Variants in LPA observed in about 807,000 individuals in gnomAD.
LPA encodes lipoprotein(a).
In LPA, 199 loss-of-function variants were observed where a neutral mutation model predicts 197.9. That is an observed-to-expected ratio of 1.01 (90% CI 0.90 to 1.13). The LOEUF (loss-of-function observed/expected upper bound fraction) is 1.13, where lower values mean the gene tolerates loss of function less well. Ranked by LOEUF, LPA falls within the 50% of genes most tolerant of loss-of-function variation. The pLI is 0.00. For synonymous variants in LPA, 715 were observed against 639.5 expected (o/e 1.12, Z -1.78); for missense variants, 1,853 against 1,785.8 (o/e 1.04, Z -0.68).
chr6:160,548,928 G>A (rs572046734), intron 30 of LPA, among the ~76,000 whole-genome samples: 9 of 152,242 alleles, frequency 5.9e-5, no homozygotes, highest in South Asian at 4.2e-4. Context: ...GGAAATACCC[G>A]AGACAGACTG....
At chr6:160,654,242 T>A (rs1336926591) in intron 1 of LPA, among the ~76,000 whole-genome samples, 3 of 146,558 alleles carry the variant, frequency 2.0e-5, no homozygotes, top group African/African-American at 7.6e-5. Flanking sequence ...TGGAGTCCGA[T>A]GTTCAAGAGC....
At chr6:160,581,654 T>C (rs1038623885) in intron 26 of LPA, among the ~76,000 whole-genome samples, 3 of 152,162 alleles carry the variant, frequency 2.0e-5, no homozygotes, top group African/African-American at 7.2e-5. Flanking sequence ...CATATGCATC[T>C]ATCCCACAAA....
intron 32 of LPA, among the ~76,000 whole-genome samples, chr6:160,546,200 C>G (rs1778067607): frequency 6.6e-6 from 1 of 152,172 alleles, no homozygotes; most frequent in African/African-American, 2.4e-5. Flanking sequence ...GCCCCACCCT[C>G]CAACCTCCAG....
chr6:160,575,720 T>G (rs770601718), intron 28 of LPA, among the ~76,000 whole-genome samples: 50 of 152,202 alleles, frequency 3.3e-4, no homozygotes, highest in Non-Finnish European at 5.7e-4. Context: ...CCCAGTGCTT[T>G]GTGAGCTCTG....
chr6:160,537,807 C>G (rs1041808891), intron 37 of LPA, 48 bp downstream of exon 37: 2 of 1,541,218 alleles, frequency 1.3e-6, no homozygotes, highest in Non-Finnish European at 1.8e-6. Context: ...GTAACATGCA[C>G]TGAAGGTCAA....
intron 25 of LPA, among the ~76,000 whole-genome samples, chr6:160,585,444 A>T (rs1165855114): frequency 2.6e-5 from 4 of 152,170 alleles, no homozygotes; most frequent in Non-Finnish European, 5.9e-5. Flanking sequence ...AAACAAACAA[A>T]AAACAGATCA....
chr6:160,592,140 A>T (rs1372535423), intron 22 of LPA, among the ~76,000 whole-genome samples: 1 of 152,076 alleles, frequency 6.6e-6, no homozygotes, highest in East Asian at 1.9e-4. Context: ...TCTTTCTGTG[A>T]CTTGCCTAAC....
intron 20 of LPA, among the ~76,000 whole-genome samples, chr6:160,596,706 T>C (rs935607658): frequency 6.6e-6 from 1 of 152,186 alleles, no homozygotes; most frequent in African/African-American, 2.4e-5. Context: ...TCCTTTAACC[T>C]CATGGACTGT....
At chr6:160,593,597 C>T (rs1424942238) in intron 22 of LPA, among the ~76,000 whole-genome samples, 3 of 152,200 alleles carry the variant, frequency 2.0e-5, no homozygotes, top group Non-Finnish European at 4.4e-5. Flanking sequence ...ATACAACCTT[C>T]ACTTCAGGAC....
intron 32 of LPA, among the ~76,000 whole-genome samples, chr6:160,546,486 C>T (rs1053400195): frequency 1.1e-4 from 17 of 152,094 alleles, no homozygotes; most frequent in Admixed American, 1.1e-3. Context: ...ATAAAAGTAA[C>T]GTGTTTCCCT....
intron 26 of LPA, 22 bp downstream of exon 26, chr6:160,585,024 A>C: frequency 6.2e-7 from 1 of 1,613,096 alleles, no homozygotes. Context: ...TGTTCCTTTT[A>C]TGGCTAACAT....
intron 1 of LPA, among the ~76,000 whole-genome samples, chr6:160,661,471 C>A (rs1033835303): frequency 2.0e-5 from 3 of 152,160 alleles, no homozygotes; most frequent in African/African-American, 7.2e-5. Context: ...TGAACAGATT[C>A]TCATTCTCAG....
chr6:160,586,367 A>T, intron 25 of LPA, 82 bp downstream of exon 25: 5 of 1,521,898 alleles, frequency 3.3e-6, no homozygotes, highest in Non-Finnish European at 4.5e-6. Flanking sequence ...TGCAGCATGG[A>T]AGTTTTCTGC....
At chr6:160,657,949 A>G (rs1780159596) in intron 1 of LPA, among the ~76,000 whole-genome samples, 1 of 152,146 alleles carries the variant, frequency 6.6e-6, no homozygotes, top group South Asian at 2.1e-4. Flanking sequence ...GGGGCCCGCA[A>G]GGAATTTAGC....
intron 28 of LPA, among the ~76,000 whole-genome samples, chr6:160,576,263 A>G (rs919566569): frequency 2.7e-5 from 4 of 148,224 alleles, no homozygotes; most frequent in African/African-American, 9.9e-5. Flanking sequence ...AGTCCTGGCA[A>G]CACATGTCCT....
chr6:160,592,947 A>T (rs1188506058), intron 22 of LPA, among the ~76,000 whole-genome samples: 1 of 152,148 alleles, frequency 6.6e-6, no homozygotes, highest in African/African-American at 2.4e-5. Context: ...GTTCCCTTGC[A>T]GTTGTTCTTT....
intron 28 of LPA, among the ~76,000 whole-genome samples, chr6:160,572,777 G>C (rs1778586036): frequency 6.6e-6 from 1 of 152,174 alleles, no homozygotes; most frequent in African/African-American, 2.4e-5. Context: ...AAAACTGGCT[G>C]TTAATCTGAT....
Position 160,548,530 on chromosome 6 carries a change from G to T in LPA, c.5103C>A (p.Val1701=), listed in dbSNP as rs569746344. 38 of 1,614,012 alleles carry T rather than the reference G, an allele frequency of 2.4e-5. No homozygotes were observed. In the South Asian group the frequency reaches 3.5e-4, roughly 15 times the overall value. The change falls in exon 31 of 39, where the codon GTC becomes GTA. Residue 1701 remains valine, a synonymous_variant. Coordinates refer to ENST00000316300, the MANE Select transcript of LPA (RefSeq NM_005577.4). ...GAACCTGGATGACAGTCGGAGGAGC[G>T]ACCACAGTCCCTTCTGTGTCTGAGC... The part of the protein sequence containing the change: ...TRCSDTEGTV[V]APPTVIQVPS...
intron 28 of LPA, among the ~76,000 whole-genome samples, chr6:160,573,549 G>A (rs988182284): frequency 6.6e-6 from 1 of 152,126 alleles, no homozygotes; most frequent in East Asian, 1.9e-4. Flanking sequence ...TCTCATTTGG[G>A]TAGACTGTGT....
Sources: gnomAD v4.1 joint callset for allele counts (sites outside exome capture counted in the v4.1 genomes callset) on GRCh38, gnomAD v4.1.1 for gene constraint, MANE v1.5 for transcripts, NCBI Gene and HGNC (gene_info 2026-07-23, HGNC 2026-07-21) for gene names.